Variants in CREB5 observed in about 807,000 individuals in gnomAD.
CREB5 encodes the protein cAMP responsive element binding protein 5, also known as cyclic AMP-responsive element-binding protein 5.
Under a neutral mutation model 57.1 loss-of-function variants are expected in CREB5, and 19 were observed. The observed-to-expected ratio is 0.33, with a 90% CI of 0.23 to 0.49. The LOEUF (loss-of-function observed/expected upper bound fraction) is 0.49, where lower values mean the gene tolerates loss of function less well. Among genes scored for constraint, CREB5 ranks in the 20% least tolerant of loss-of-function variants. The pLI, the probability that CREB5 is intolerant of heterozygous loss-of-function variation, is 0.99. For missense variants in CREB5, 579 were observed against 671.6 expected (o/e 0.86, Z 1.52); for synonymous variants, 238 against 238.3 (o/e 1.00, Z 0.01).
intron 1 of CREB5, among the ~76,000 whole-genome samples, chr7:28,306,906 T>C (rs1414145160): frequency 1.3e-5 from 2 of 152,200 alleles, no homozygotes; most frequent in Non-Finnish European, 2.9e-5. Flanking sequence ...TGAATACATA[T>C]GAAATGTGAG....
At chr7:28,715,313 T>G (rs1395879743) in intron 5 of CREB5, among the ~76,000 whole-genome samples, 1 of 152,140 alleles carries the variant, frequency 6.6e-6, no homozygotes, top group African/African-American at 2.4e-5. Context: ...TTGGGAAAAT[T>G]TAAATGTCTC....
chr7:28,496,045 G>GC (rs11383158), intron 3 of CREB5, among the ~76,000 whole-genome samples: 110,890 of 152,004 alleles, frequency 0.73, 41,043 homozygotes, highest in African/African-American at 0.82. Flanking sequence ...ATGACCTTGA[G>GC]TACTTATTGA....
At position 28,825,178 on chromosome 7, in the gene CREB5, A is replaced by T. The variant is rs1050966489; in HGVS notation, c.*5899A>T. The T allele has an allele frequency of 1.3e-5, 2 of 152,628 alleles. No individual in the cohort carries two copies. The highest frequency in any genetic ancestry group is 4.8e-5 in the African/African-American group (2 of 41,434). The allele number at this position is 152,628 out of a possible 1,614,324, so 9.5% of individuals were successfully genotyped here. On this transcript the variant is annotated 3_prime_UTR_variant, in exon 11 of 11. Transcript: ENST00000357727. ...ACCAATGCCACAGACACTACAGGAG[A>T]TAATGAAAGGTATCAGTTGTGTTGA...
chr7:28,796,107 T>C (rs112617635), intron 7 of CREB5, among the ~76,000 whole-genome samples: 1,999 of 152,318 alleles, frequency 0.013, 23 homozygotes, highest in Non-Finnish European at 0.019. Context: ...ATTCGACGTG[T>C]TGTGCAACTA....
intron 7 of CREB5, among the ~76,000 whole-genome samples, chr7:28,765,069 CT>C (rs1366221686): frequency 6.6e-6 from 1 of 152,216 alleles, no homozygotes; most frequent in Non-Finnish European, 1.5e-5. Context: ...AGCTGATTAT[CT>C]CACTGTATTT....
At chr7:28,689,909 G>GGTGTGTGTGTGTGTGT (rs34310030) in intron 5 of CREB5, among the ~76,000 whole-genome samples, 11 of 141,670 alleles carry the variant, frequency 7.8e-5, no homozygotes, top group African/African-American at 2.4e-4. Flanking sequence ...ACTTGTATTT[G>GGTGTGTGTGTGTGTGT]GTGTGTGTGT....
intron 1 of CREB5, among the ~76,000 whole-genome samples, chr7:28,321,701 G>A (rs1238418474): frequency 1.3e-5 from 2 of 152,158 alleles, no homozygotes; most frequent in Non-Finnish European, 2.9e-5. Context: ...GTGGTGAGTG[G>A]GGGACTGCAC....
intron 7 of CREB5, among the ~76,000 whole-genome samples, chr7:28,786,147 AAAG>A (rs1211706124): frequency 6.6e-6 from 1 of 152,174 alleles, no homozygotes; most frequent in Non-Finnish European, 1.5e-5. Flanking sequence ...CCACCTTTTC[AAAG>A]AAAATGAGTA....
intron 4 of CREB5, 147 bp downstream of exon 4, chr7:28,507,884 A>G: frequency 9.7e-7 from 1 of 1,032,676 alleles, no homozygotes; most frequent in South Asian, 3.3e-5. Flanking sequence ...TTTTTAAAAG[A>G]TTACTCCTTG....
rs80069375 is a variant in CREB5 at position 28,394,731 on chromosome 7, T to A, written c.-25+95290T>A. 6.9e-3 allele frequency among the ~76,000 whole-genome samples: 1,050 copies of A among 152,314 alleles called. 14 individuals are homozygous for A. Among genetic ancestry groups the A allele is most frequent in the African/African-American group, 0.024 (1,012 of 41,564 alleles). On this transcript the variant is annotated intron_variant, in intron 1 of 9. Transcript: ENST00000396299. ...GCACACTGTAATTTAGTGATATGCATGCCTGTTGAGTGTTCAAGTCTGATT... is the reference window on the plus strand; with the variant it reads ...GCACACTGTAATTTAGTGATATGCAAGCCTGTTGAGTGTTCAAGTCTGATT...
chr7:28,795,448 T>A (rs1158401826), intron 7 of CREB5, among the ~76,000 whole-genome samples: 1 of 152,212 alleles, frequency 6.6e-6, no homozygotes, highest in Non-Finnish European at 1.5e-5. Flanking sequence ...TGGTAGATAA[T>A]AGAATTGTAA....
intron 5 of CREB5, among the ~76,000 whole-genome samples, chr7:28,611,727 G>T (rs1022404138): frequency 6.7e-6 from 1 of 149,946 alleles, no homozygotes; most frequent in Non-Finnish European, 1.5e-5. Flanking sequence ...ATATATATGT[G>T]CGAGGTAGGG....
At chr7:28,392,009 A>G (rs1391051592) in intron 1 of CREB5, among the ~76,000 whole-genome samples, 1 of 152,122 alleles carries the variant, frequency 6.6e-6, no homozygotes, top group East Asian at 1.9e-4. Flanking sequence ...TTTCTTAGCA[A>G]TGTAATGGAG....
chr7:28,780,711 A>C (rs1261609719), intron 7 of CREB5, among the ~76,000 whole-genome samples: 1 of 152,098 alleles, frequency 6.6e-6, no homozygotes, highest in Non-Finnish European at 1.5e-5. Context: ...CACAGATTCA[A>C]AATCAAAGCT....
chr7:28,383,754 C>A (rs965285607), intron 1 of CREB5, among the ~76,000 whole-genome samples: 1 of 152,172 alleles, frequency 6.6e-6, no homozygotes, highest in Non-Finnish European at 1.5e-5. Context: ...TGGGGGATTA[C>A]AACTGGACAT....
At chr7:28,548,458 A>G (rs1022392137) in intron 4 of CREB5, among the ~76,000 whole-genome samples, 14 of 152,206 alleles carry the variant, frequency 9.2e-5, no homozygotes, top group Admixed American at 6.6e-4. Context: ...GTGACAGATG[A>G]CATTCATGGT....
chr7:28,623,117 A>G (rs1797866439), intron 5 of CREB5, among the ~76,000 whole-genome samples: 1 of 152,066 alleles, frequency 6.6e-6, no homozygotes, highest in South Asian at 2.1e-4. Context: ...TCCTGACCTC[A>G]GGTGATCCAG....
rs144772964 is a variant in CREB5 at position 28,631,848 on chromosome 7, C to T, written c.464+61311C>T. On this transcript the variant is annotated intron_variant, in intron 5 of 10. Transcript: ENST00000357727. Reference sequence around the variant, plus strand: ...AGTGGAGGGAAGCACCATAAGGCGGCGCCAGGGATGGTGTCTCGGAAGAGA... The same window carrying T: ...AGTGGAGGGAAGCACCATAAGGCGGTGCCAGGGATGGTGTCTCGGAAGAGA... Among the ~76,000 whole-genome samples, 12 of 152,042 alleles carry T rather than the reference C, an allele frequency of 7.9e-5. No homozygotes were observed. The South Asian group carries it at 1.5e-3, about 18-fold the overall frequency.
At chr7:28,608,994 G>C (rs746983496) in intron 5 of CREB5, 1 of 152,084 alleles carries the variant, frequency 6.6e-6, no homozygotes, top group Non-Finnish European at 1.5e-5. Flanking sequence ...TGTATATCAC[G>C]GTATATCTGT....
Sources: allele counts gnomAD v4.1 joint callset (sites outside exome capture counted in the v4.1 genomes callset), GRCh38; gene constraint gnomAD v4.1.1; transcripts MANE v1.5; gene names NCBI Gene and HGNC (gene_info 2026-07-23, HGNC 2026-07-21).